The following PABPC4L variants were observed in gnomAD, a reference collection of about 807,000 sequenced individuals.
The protein encoded by PABPC4L is poly(A) binding protein cytoplasmic 4 like, also known as polyadenylate-binding protein 4-like.
For missense variants in PABPC4L, 452 were observed against 451.4 expected (o/e 1.00, Z -0.01); for synonymous variants, 169 against 164.1 (o/e 1.03, Z -0.23).
At chr4:133,999,177 C>T in the PABPC4L span, among the ~76,000 whole-genome samples, 2 of 152,042 alleles carry the variant, frequency 1.3e-5, no homozygotes, top group Non-Finnish European at 2.9e-5. Flanking sequence ...TTCCCTGTTT[C>T]TTTGGGTCTT....
At chr4:134,051,736 T>C in the PABPC4L span, among the ~76,000 whole-genome samples, 2 of 152,142 alleles carry the variant, frequency 1.3e-5, no homozygotes, top group South Asian at 4.1e-4. Context: ...CACTATGCTT[T>C]AGAGTTTCAT....
the PABPC4L span, among the ~76,000 whole-genome samples, chr4:134,179,684 T>C: frequency 2.6e-5 from 4 of 151,742 alleles, no homozygotes; most frequent in African/African-American, 7.3e-5. Context: ...AGTAAAGGGA[T>C]AGAAAAAAAT....
the PABPC4L span, among the ~76,000 whole-genome samples, chr4:134,095,976 T>C: frequency 6.6e-6 from 1 of 151,958 alleles, no homozygotes; most frequent in Non-Finnish European, 1.5e-5. Flanking sequence ...ATATCATTGA[T>C]CCCCAATTGA....
the PABPC4L span, among the ~76,000 whole-genome samples, chr4:134,130,082 C>A: frequency 1.5e-3 from 196 of 127,298 alleles, no homozygotes; most frequent in Non-Finnish European, 2.4e-3. Context: ...AAAAAAAAAA[C>A]AACTTTGAAA....
the PABPC4L span, among the ~76,000 whole-genome samples, chr4:133,979,638 G>A: frequency 0.35 from 53,418 of 151,786 alleles, 9,796 homozygotes; most frequent in Admixed American, 0.47. Flanking sequence ...CATACAACAG[G>A]TCCTCTCACA....
the PABPC4L span, among the ~76,000 whole-genome samples, chr4:134,061,645 AG>A: frequency 7.9e-5 from 10 of 126,010 alleles, no homozygotes; most frequent in East Asian, 2.0e-3. Flanking sequence ...AGAGAGAGAG[AG>A]AGAGAGAGAG....
chr4:134,086,182 T>TC, the PABPC4L span, among the ~76,000 whole-genome samples: 4 of 152,178 alleles, frequency 2.6e-5, no homozygotes, highest in East Asian at 7.7e-4. Flanking sequence ...GTTTTTTTTT[T>TC]CTTCCAATTT....
the PABPC4L span, among the ~76,000 whole-genome samples, chr4:133,952,623 C>G: frequency 6.6e-6 from 1 of 151,990 alleles, no homozygotes; most frequent in Non-Finnish European, 1.5e-5. Flanking sequence ...AACTATTTTT[C>G]GTGGTTGTTT....
the PABPC4L span, among the ~76,000 whole-genome samples, chr4:134,111,863 G>A: frequency 2.0e-5 from 3 of 151,956 alleles, no homozygotes; most frequent in African/African-American, 7.2e-5. Context: ...AGTCTCTGGT[G>A]TGTCTTTGTC....
chr4:134,192,822 T>C (rs1350525963), downstream of PABPC4L, among the ~76,000 whole-genome samples: 1 of 152,092 alleles, frequency 6.6e-6, no homozygotes, highest in Non-Finnish European at 1.5e-5. Context: ...AAGATTAATC[T>C]TTAGAATCTG....
chr4:133,994,032 T>A, the PABPC4L span, among the ~76,000 whole-genome samples: 1 of 152,116 alleles, frequency 6.6e-6, no homozygotes, highest in Non-Finnish European at 1.5e-5. Context: ...CAACCTCAGC[T>A]CTTTGAGTGC....
chr4:134,042,113 T>A, the PABPC4L span, among the ~76,000 whole-genome samples: 1 of 152,192 alleles, frequency 6.6e-6, no homozygotes, highest in Non-Finnish European at 1.5e-5. Context: ...TAAGAAAGAA[T>A]GAGCTAATGC....
chr4:134,161,953 T>C, the PABPC4L span, among the ~76,000 whole-genome samples: 14 of 152,232 alleles, frequency 9.2e-5, no homozygotes, highest in African/African-American at 3.1e-4. Flanking sequence ...CTTTCTCTTG[T>C]TTGTGTGTTT....
At chr4:134,079,742 T>G in the PABPC4L span, among the ~76,000 whole-genome samples, 4 of 151,644 alleles carry the variant, frequency 2.6e-5, no homozygotes, top group Admixed American at 1.3e-4. Context: ...CCCCAATTAA[T>G]AGAAATAGAG....
chr4:133,962,851 G>C, the PABPC4L span, among the ~76,000 whole-genome samples: 1 of 152,054 alleles, frequency 6.6e-6, no homozygotes, highest in Non-Finnish European at 1.5e-5. Flanking sequence ...CCACTAAAAG[G>C]AGCTCTAAAT....
At chr4:134,081,831 G>A in the PABPC4L span, among the ~76,000 whole-genome samples, 1 of 152,122 alleles carries the variant, frequency 6.6e-6, no homozygotes, top group Non-Finnish European at 1.5e-5. Context: ...GGTCCCTAAT[G>A]ATGCTCATTA....
the PABPC4L span, among the ~76,000 whole-genome samples, chr4:134,187,079 T>A: frequency 1.3e-5 from 2 of 152,082 alleles, no homozygotes; most frequent in Admixed American, 1.3e-4. Context: ...ATAGGAATGC[T>A]TTTACACTGT....
chr4:134,023,701 T>A, the PABPC4L span, among the ~76,000 whole-genome samples: 1 of 152,182 alleles, frequency 6.6e-6, no homozygotes, highest in South Asian at 2.1e-4. Context: ...TTTGGTTAGA[T>A]AATCTATTTT....
chr4:134,011,232 C>G, the PABPC4L span, among the ~76,000 whole-genome samples: 4 of 152,020 alleles, frequency 2.6e-5, no homozygotes, highest in Non-Finnish European at 5.9e-5. Flanking sequence ...ACACTGATTT[C>G]CAAAATAAGT....
Sources: gnomAD v4.1 joint callset for allele counts (sites outside exome capture counted in the v4.1 genomes callset) on GRCh38, gnomAD v4.1.1 for gene constraint, MANE v1.5 for transcripts, NCBI Gene and HGNC (gene_info 2026-07-23, HGNC 2026-07-21) for gene names.